FBLN1: variants seen among roughly 807,000 people sequenced by gnomAD.
FBLN1 encodes the protein fibulin-1.
A neutral mutation model predicts 89.7 loss-of-function variants in FBLN1; 34 were observed. The ratio of observed to expected loss-of-function variants is 0.38; its 90% CI spans 0.29 to 0.50. The LOEUF is 0.50. Among genes scored for constraint, FBLN1 ranks in the 20% least tolerant of loss-of-function variants. The probability of loss-of-function intolerance (pLI) is 0.92; values close to 1 mark genes in which losing one functional copy is unlikely to be tolerated. For synonymous variants in FBLN1, 393 were observed against 391.3 expected, an observed-to-expected ratio of 1.00 and a Z score of -0.05; for missense variants, 777 against 988.1, an observed-to-expected ratio of 0.79 and a Z score of 2.86.
intron 4 of FBLN1, among the ~76,000 whole-genome samples, chr22:45,528,241 G>A (rs1371262082): frequency 1.3e-5 from 2 of 152,202 alleles, no homozygotes; most frequent in Non-Finnish European, 2.9e-5. Context: ...TTCCCGGGGA[G>A]GCCAGTCTTT....
At chr22:45,529,617 G>A (rs2146964545) in intron 4 of FBLN1, among the ~76,000 whole-genome samples, 1 of 152,334 alleles carries the variant, frequency 6.6e-6, no homozygotes, top group African/African-American at 2.4e-5. Flanking sequence ...TGTAATCCCA[G>A]CACTTTGGGA....
intron 14 of FBLN1, among the ~76,000 whole-genome samples, chr22:45,568,333 A>T (rs1384905389): frequency 6.6e-6 from 1 of 152,284 alleles, no homozygotes; most frequent in Non-Finnish European, 1.5e-5. Context: ...TCTGGAGGCC[A>T]GAAGTCCAAA....
chr22:45,559,785 A>G (rs988610214), intron 14 of FBLN1, among the ~76,000 whole-genome samples: 4 of 152,288 alleles, frequency 2.6e-5, no homozygotes, highest in African/African-American at 2.4e-5. Flanking sequence ...CCTTTCCCCA[A>G]TGCAGTTACT....
chr22:45,509,735 T>C (rs1276924710), intron 1 of FBLN1, among the ~76,000 whole-genome samples: 1 of 151,974 alleles, frequency 6.6e-6, no homozygotes, highest in Non-Finnish European at 1.5e-5. Context: ...GGGGGTTGGG[T>C]GGAGTCGCCC....
chr22:45,502,973 TCGCCCGC>T lies in FBLN1; in HGVS notation c.-7_-1del. 1.7e-6 allele frequency: 2 copies of T among 1,162,680 alleles called. No individual in the cohort carries two copies. Among genetic ancestry groups the T allele is most frequent in the Admixed American group, 4.4e-5 (1 of 22,640 alleles). 72.0% of individuals were successfully genotyped at this position (1,162,680 alleles called of 1,614,324 possible). On this transcript the variant is annotated 5_prime_UTR_variant, in exon 1 of 17. Coordinates refer to ENST00000327858, the MANE Select transcript of FBLN1 (RefSeq NM_006486.3). ...TTTGTCCGCCGCCGCCCACCGCCCG[TCGCCCGC>T]CGCCCATGGAGCGCGCCGCGCCGTC...
Position 45,583,309 on chromosome 22 carries a change from C to G in FBLN1, c.1972+6201C>G, listed in dbSNP as rs1050528048. Among the ~76,000 whole-genome samples the G allele has an allele frequency of 6.6e-6, 1 of 152,238 alleles. No individual in the cohort carries two copies. The highest frequency in any genetic ancestry group is 2.4e-5 in the African/African-American group (1 of 41,530). ...AGGGTTTGGGTCCTCAGCTCCTGGC[C>G]GGGGCAAGTCTGGCCAAGCAGCATG... On this transcript the variant is annotated intron_variant, in intron 16 of 16. Coordinates refer to ENST00000327858, the MANE Select transcript of FBLN1 (RefSeq NM_006486.3). The surrounding 1 kb of genome is among the most constrained non-coding windows in gnomAD (Gnocchi z 4.5).
At chr22:45,533,959 G>A (rs988107787) in intron 7 of FBLN1, 61 bp downstream of exon 7, 2 of 1,606,864 alleles carry the variant, frequency 1.2e-6, no homozygotes, top group Non-Finnish European at 1.7e-6. Context: ...GGCGCGGTGG[G>A]AAGGGCAGCT....
In FBLN1 at chr22:45,528,007, C is replaced by T. The variant is rs749073587; in HGVS notation, c.482C>T (p.Thr161Met). The T allele has an allele frequency of 2.0e-5, 33 of 1,614,074 alleles. No individual in the cohort carries two copies. Among genetic ancestry groups the T allele is most frequent in the African/African-American group, 2.7e-5 (2 of 74,942 alleles). The change falls in exon 4 of 17, where the codon ACG (threonine) becomes ATG (methionine). Residue 161 changes from threonine to methionine, a missense_variant and splice_region_variant. Transcript: ENST00000327858. ...TTGGATGTCGGGGGCCTCCAAGAAA[C>T]GGGTAACTTTCCCCCTTCCTTCCCT... ...GDLDVGGLQE[T>M]DKIIEVEEEQ...
chr22:45,548,501 C>T (rs570074993), intron 12 of FBLN1, 112 bp from the exon 13 acceptor site: 1 of 1,444,428 alleles, frequency 6.9e-7, no homozygotes, highest in South Asian at 1.2e-5. Context: ...TCAGCTTGTC[C>T]TGTGCTGCTG....
rs756198840 is a variant in FBLN1, at chr22:45,563,123, C to T, written c.1698-11388C>T. ...CTTTTTCACCACCCGGAAGGTGAGC[C>T]CCCACAGTGGGGTGGTGGCCCTCAC... is the stretch of plus-strand genomic sequence containing the variant. On this transcript the variant is annotated intron_variant, in intron 14 of 16. Coordinates refer to ENST00000327858, the MANE Select transcript of FBLN1 (RefSeq NM_006486.3). The surrounding 1 kb of genome is among the most constrained non-coding windows in gnomAD (Gnocchi z 5.7). The T allele has an allele frequency of 1.9e-6, 3 of 1,613,432 alleles. No homozygotes were observed. The highest frequency in any genetic ancestry group is 2.5e-6 in the Non-Finnish European group (3 of 1,180,006).
chr22:45,524,050 T>G (rs1014959465), intron 2 of FBLN1, among the ~76,000 whole-genome samples: 1 of 152,176 alleles, frequency 6.6e-6, no homozygotes, highest in Non-Finnish European at 1.5e-5. Context: ...ACCGAAAGCA[T>G]GAGTGAAATG....
At chr22:45,533,723 C>G (rs1396796296) in intron 6 of FBLN1, 38 bp from the exon 7 acceptor site, 1 of 1,604,692 alleles carries the variant, frequency 6.2e-7, no homozygotes, top group South Asian at 1.1e-5. Context: ...ATGGGTCGTT[C>G]TTGCTGGTCA....
chr22:45,513,578 A>G lies in FBLN1; in HGVS notation c.80-5104A>G, dbSNP rs76249620. On this transcript the variant is annotated intron_variant, in intron 1 of 16. Coordinates refer to ENST00000327858, the MANE Select transcript of FBLN1 (RefSeq NM_006486.3). Reference sequence around the variant, plus strand: ...AATACAGTCACATTATTGTACAATCATCACCACCTCCATCTCCAGAACTTT... The same window carrying G: ...AATACAGTCACATTATTGTACAATCGTCACCACCTCCATCTCCAGAACTTT... 5.0e-3 allele frequency among the ~76,000 whole-genome samples: 753 copies of G among 150,584 alleles called. 7 individuals are homozygous for G. Among genetic ancestry groups the G allele is most frequent in the African/African-American group, 0.018 (740 of 40,858 alleles).
chr22:45,577,187 C>T lies in FBLN1; in HGVS notation c.1972+79C>T. On this transcript the variant is annotated intron_variant, in intron 16 of 16. Coordinates refer to ENST00000327858, the MANE Select transcript of FBLN1 (RefSeq NM_006486.3). The surrounding 1 kb of genome is among the most constrained non-coding windows in gnomAD (Gnocchi z 6.6). ...AAACCCTCTCTGGCCCAGCCCAACT[C>T]CCATCTGAGTCCCCTCCCCAAATTC... 6.6e-7 allele frequency: 1 copy of T among 1,511,566 alleles called. No homozygotes were observed. The highest frequency in any genetic ancestry group is 1.1e-5 in the South Asian group (1 of 87,794). The allele number at this position is 1,511,566 out of a possible 1,614,324, so 93.6% of individuals were successfully genotyped here.
chr22:45,573,214 A>G (rs940812125), intron 14 of FBLN1, among the ~76,000 whole-genome samples: 2 of 151,754 alleles, frequency 1.3e-5, no homozygotes, highest in Non-Finnish European at 2.9e-5. Context: ...TGACGAGCAA[A>G]ACTCCGTCTC....
intron 16 of FBLN1, among the ~76,000 whole-genome samples, chr22:45,593,467 C>T (rs988172548): frequency 4.6e-5 from 7 of 152,186 alleles, no homozygotes; most frequent in Non-Finnish European, 5.9e-5. Flanking sequence ...GGCACAGACA[C>T]GCCAAGGGAT....
chr22:45,555,440 A>G (rs1413164905), intron 14 of FBLN1, among the ~76,000 whole-genome samples: 9 of 152,022 alleles, frequency 5.9e-5, no homozygotes, highest in Admixed American at 2.6e-4. Flanking sequence ...AATGAGTCCA[A>G]TGTTTGAGGG....
Position 45,503,049 on chromosome 22 carries a change from C to A in FBLN1, c.64C>A (p.Leu22Met). Residue 22 changes from leucine (L) to methionine (M), a missense_variant, in exon 1 of 17, where the codon CTG (leucine) becomes ATG (methionine). Transcript: ENST00000327858. ...GCTGCTGCTGCTCGGCGGCCTTGCG[C>A]TGCTGGCGGCCGGAGGTAGGGGCGT... ...LPLLLLGGLA[L>M]LAAGVDADVL... 2.4e-6 allele frequency: 3 copies of A among 1,249,156 alleles called. No individual in the cohort carries two copies. Among genetic ancestry groups the A allele is most frequent in the South Asian group, 3.3e-5 (1 of 30,306 alleles). The allele number at this position is 1,249,156 out of a possible 1,614,324, so 77.4% of individuals were successfully genotyped here.
rs991861865 is a variant in FBLN1 at position 45,572,002 on chromosome 22, G to T, written c.1698-2509G>T. On this transcript the variant is annotated intron_variant, in intron 14 of 16. Transcript: ENST00000327858. This position sits in a 1 kb window ranked among gnomAD's most constrained non-coding sequence, Gnocchi z 5.8. ...AAATTAGCTGGTCGTGGTGGTGCCCGCCTGTAATCCCAGCTACTCAGGAGG... is the reference window on the plus strand; with the variant it reads ...AAATTAGCTGGTCGTGGTGGTGCCCTCCTGTAATCCCAGCTACTCAGGAGG... Among the ~76,000 whole-genome samples the T allele has an allele frequency of 1.3e-5, 2 of 152,072 alleles. No homozygotes were observed. The highest frequency in any genetic ancestry group is 2.9e-5 in the Non-Finnish European group (2 of 68,010).
Sources: gnomAD v4.1 joint callset for allele counts (sites outside exome capture counted in the v4.1 genomes callset) on GRCh38, gnomAD v4.1.1 for gene constraint, Gnocchi (gnomAD v3.1) non-coding constraint, MANE v1.5 for transcripts, NCBI Gene and HGNC (gene_info 2026-07-23, HGNC 2026-07-21) for gene names.